The following SEC24B variants were observed in gnomAD, a reference collection of about 807,000 sequenced individuals.
SEC24B encodes SEC24 homolog B, COPII component.
Under a neutral mutation model 142.8 loss-of-function variants are expected in SEC24B, and 45 were observed. The ratio of observed to expected loss-of-function variants is 0.32; its 90% confidence interval spans 0.25 to 0.40. SEC24B has a LOEUF of 0.40. SEC24B is among the 10% of genes least tolerant of loss of function. SEC24B has a pLI of 1.00. For missense variants in SEC24B, 1,409 were observed against 1,526.8 expected, an observed-to-expected ratio of 0.92 and a Z score of 1.29; for synonymous variants, 574 against 568.2, an observed-to-expected ratio of 1.01 and a Z score of -0.15.
At chr4:109,531,300 T>G (rs927547932) in intron 19 of SEC24B, 85 bp from the exon 20 acceptor site, 61 of 1,151,748 alleles carry the variant, frequency 5.3e-5, no homozygotes, top group Non-Finnish European at 7.3e-5. Flanking sequence ...CCATGCTTTT[T>G]CCATGATTGA....
chr4:109,509,678 G>GAAAAAAAAAAAAAAA (rs1020221678), intron 7 of SEC24B, among the ~76,000 whole-genome samples: 1 of 46,388 alleles, frequency 2.2e-5, no homozygotes, highest in African/African-American at 5.2e-5. Flanking sequence ...CTCCATCTCA[G>GAAAAAAAAAAAAAAA]AAAAAAAAAA....
intron 5 of SEC24B, among the ~76,000 whole-genome samples, chr4:109,492,339 A>G (rs1037313759): frequency 3.9e-5 from 6 of 152,106 alleles, no homozygotes; most frequent in Non-Finnish European, 8.8e-5. Flanking sequence ...GTGTGTAAGA[A>G]GTTGTAAACC....
chr4:109,533,725 A>ATT, intron 22 of SEC24B, 40 bp downstream of exon 22: 11 of 1,051,736 alleles, frequency 1.0e-5, no homozygotes, highest in South Asian at 4.3e-5. Context: ...TTGTTTGCTC[A>ATT]TTTTTTTTTA....
chr4:109,528,779 TGTAGTCCTAGA>T (rs1724560284), intron 18 of SEC24B, among the ~76,000 whole-genome samples: 1 of 152,234 alleles, frequency 6.6e-6, no homozygotes, highest in Non-Finnish European at 1.5e-5. Flanking sequence ...CTATTTCCCA[TGTAGTCCTAGA>T]GAAAGAGAGT....
At chr4:109,490,756 A>G (rs1488350582) in intron 4 of SEC24B, among the ~76,000 whole-genome samples, 2 of 152,052 alleles carry the variant, frequency 1.3e-5, no homozygotes, top group Non-Finnish European at 2.9e-5. Flanking sequence ...CCTTTCATTT[A>G]TATTACCTTA....
intron 3 of SEC24B, among the ~76,000 whole-genome samples, chr4:109,475,990 C>CTTT (rs35172512): frequency 2.2e-5 from 3 of 134,714 alleles, no homozygotes; most frequent in Non-Finnish European, 3.1e-5. Context: ...TTCTCTCTCT[C>CTTT]TTTTTTTTTT....
At position 109,433,856 on chromosome 4, in the gene SEC24B, C is replaced by G; in HGVS notation, c.-14C>G. The G allele has an allele frequency of 1.5e-6, 2 of 1,315,000 alleles. No individual in the cohort carries two copies. Among genetic ancestry groups the G allele is most frequent in the Non-Finnish European group, 1.9e-6 (2 of 1,029,858 alleles). 81.5% of individuals were successfully genotyped at this position (1,315,000 alleles called of 1,614,324 possible). A position where few individuals can be genotyped will look rare whatever the true frequency, so the allele number is the denominator to read the frequency against. On this transcript the variant is annotated 5_prime_UTR_variant, in exon 1 of 24. Coordinates refer to ENST00000265175, the MANE Select transcript of SEC24B (RefSeq NM_006323.5). ...CCTCCCTGAAGCGGAGCCGCCGTCG[C>G]CACCAGCGCCGTCATGTCGGCCCCC...
intron 3 of SEC24B, among the ~76,000 whole-genome samples, chr4:109,476,564 GA>G (rs35038401): frequency 0.084 from 12,737 of 151,176 alleles, 631 homozygotes; most frequent in Middle Eastern, 0.18. Flanking sequence ...TTACTTGTAA[GA>G]ATTCTGCTAA....
At chr4:109,439,179 G>T (rs1298675234) in intron 1 of SEC24B, among the ~76,000 whole-genome samples, 2 of 152,162 alleles carry the variant, frequency 1.3e-5, no homozygotes, top group East Asian at 3.9e-4. Context: ...AGATGAGATA[G>T]TAATGGGAAT....
chr4:109,465,626 C>T (rs1731781128), intron 2 of SEC24B, among the ~76,000 whole-genome samples: 1 of 152,216 alleles, frequency 6.6e-6, no homozygotes, highest in Admixed American at 6.5e-5. Flanking sequence ...ACTTTCATGA[C>T]AAAGGAAATA....
chr4:109,511,007 A>G lies in SEC24B; in HGVS notation c.1776+896A>G, dbSNP rs555959875. 2.2e-4 allele frequency among the ~76,000 whole-genome samples: 34 copies of G among 152,204 alleles called. No homozygotes were observed. In the Middle Eastern group the frequency reaches 0.01, roughly 46 times the overall value. Reference sequence around the variant, plus strand: ...AATGAATAGAAAATAAAAAATTGTAATATGTGATAAGTACCGTGAATTTAT... The same window carrying G: ...AATGAATAGAAAATAAAAAATTGTAGTATGTGATAAGTACCGTGAATTTAT... On this transcript the variant is annotated intron_variant, in intron 8 of 23. Transcript: ENST00000265175.
intron 1 of SEC24B, among the ~76,000 whole-genome samples, chr4:109,456,755 T>C (rs1730736240): frequency 6.6e-6 from 1 of 152,228 alleles, no homozygotes; most frequent in Non-Finnish European, 1.5e-5. Flanking sequence ...CATTTGGTCA[T>C]AATGTATTTT....
intron 10 of SEC24B, among the ~76,000 whole-genome samples, chr4:109,514,372 C>T (rs7665680): frequency 1.3e-5 from 2 of 152,110 alleles, no homozygotes; most frequent in East Asian, 3.9e-4. Context: ...TGCTCATCTT[C>T]GTTATCATAT....
At position 109,484,259 on chromosome 4, in the gene SEC24B, G is replaced by T. The variant is rs117830077; in HGVS notation, c.1165+2478G>T. Among the ~76,000 whole-genome samples the T allele has an allele frequency of 5.3e-3, 805 of 152,216 alleles. 35 individuals carry two copies. In the South Asian group the frequency reaches 0.079, roughly 15 times the overall value. On this transcript the variant is annotated intron_variant, in intron 4 of 23. Transcript: ENST00000265175. Reference sequence around the variant, plus strand: ...CAGTTATTTTGTAAAATGTTCCCCAGTGTGGGTTTATCTGAGGTTTCCTCA... The same window carrying T: ...CAGTTATTTTGTAAAATGTTCCCCATTGTGGGTTTATCTGAGGTTTCCTCA...
At chr4:109,496,238 G>T (rs999814504) in intron 6 of SEC24B, among the ~76,000 whole-genome samples, 2 of 151,694 alleles carry the variant, frequency 1.3e-5, no homozygotes, top group African/African-American at 2.4e-5. Flanking sequence ...TCAGCCTTCC[G>T]AGTAGCTGTG....
chr4:109,514,376 A>G (rs977916402), intron 10 of SEC24B, among the ~76,000 whole-genome samples: 12 of 152,112 alleles, frequency 7.9e-5, no homozygotes, highest in Admixed American at 7.2e-4. Context: ...CATCTTCGTT[A>G]TCATATCTTC....
At chr4:109,522,474 G>A (rs1175116659) in intron 14 of SEC24B, among the ~76,000 whole-genome samples, 1 of 152,212 alleles carries the variant, frequency 6.6e-6, no homozygotes, top group Non-Finnish European at 1.5e-5. Flanking sequence ...TGAGGAAGTA[G>A]AGTGTCTAGT....
At chr4:109,461,928 T>C (rs976895240) in intron 1 of SEC24B, among the ~76,000 whole-genome samples, 6 of 152,258 alleles carry the variant, frequency 3.9e-5, no homozygotes, top group African/African-American at 1.4e-4. Context: ...GGGCACACAG[T>C]GAGACCCTGT....
intron 1 of SEC24B, among the ~76,000 whole-genome samples, chr4:109,439,657 A>G (rs1207646145): frequency 2.0e-5 from 3 of 149,642 alleles, no homozygotes; most frequent in Non-Finnish European, 3.0e-5. Flanking sequence ...ATGCGCCACC[A>G]TGCCTGGCTA....
Sources: allele counts gnomAD v4.1 joint callset (sites outside exome capture counted in the v4.1 genomes callset), GRCh38; gene constraint gnomAD v4.1.1; transcripts MANE v1.5; gene names NCBI Gene and HGNC (gene_info 2026-07-23, HGNC 2026-07-21).